Variants in SCP2 observed in about 807,000 individuals in gnomAD.
SCP2 encodes SCP-2/3-oxoacyl-CoA thiolase.
A neutral mutation model predicts 71.4 loss-of-function variants in SCP2; 48 were observed. The observed-to-expected ratio is 0.67, with a 90% CI of 0.53 to 0.86. SCP2 has a LOEUF of 0.86. Ranked by LOEUF, SCP2 falls within the 40% of genes least tolerant of loss-of-function variation. SCP2 has a pLI of 0.00. For missense variants in SCP2, 560 were observed against 655.6 expected, an observed-to-expected ratio of 0.85 and a Z score of 1.59; for synonymous variants, 220 against 218.1, an observed-to-expected ratio of 1.01 and a Z score of -0.08.
intron 10 of SCP2, among the ~76,000 whole-genome samples, chr1:52,981,744 T>A (rs920737265): frequency 6.6e-6 from 1 of 150,978 alleles, no homozygotes; most frequent in Non-Finnish European, 1.5e-5. Context: ...AATTTTTTTA[T>A]GTTGATTACA....
intron 2 of SCP2, chr1:52,943,943 C>CCTG: frequency 3.0e-6 from 1 of 329,022 alleles, no homozygotes; most frequent in African/African-American, 2.2e-5. Flanking sequence ...GTATAGAGAC[C>CCTG]TCCTTACTTA....
intron 11 of SCP2, chr1:52,995,208 C>T (rs1430454219): frequency 2.0e-6 from 1 of 500,438 alleles, no homozygotes; most frequent in Non-Finnish European, 4.0e-6. Context: ...GCATCATGAA[C>T]ACCCTCAGTG....
At chr1:53,040,930 C>G (rs372667313) in intron 14 of SCP2, among the ~76,000 whole-genome samples, 2 of 151,904 alleles carry the variant, frequency 1.3e-5, no homozygotes, top group African/African-American at 4.8e-5. Context: ...TAGAATGTAC[C>G]CGAGACATGG....
chr1:53,005,145 C>G (rs912025982), intron 11 of SCP2, among the ~76,000 whole-genome samples: 10 of 152,164 alleles, frequency 6.6e-5, no homozygotes, highest in Non-Finnish European at 1.5e-4. Context: ...CTGGGTGGAG[C>G]CCATCGCAGC....
intron 4 of SCP2, among the ~76,000 whole-genome samples, chr1:52,951,757 C>A (rs1655337506): frequency 6.6e-6 from 1 of 151,138 alleles, no homozygotes; most frequent in African/African-American, 2.4e-5. Context: ...TGCTCTGTTG[C>A]CCAGACTGGA....
intron 2 of SCP2, among the ~76,000 whole-genome samples, chr1:52,945,004 C>A (rs1006277571): frequency 2.0e-5 from 3 of 151,846 alleles, no homozygotes; most frequent in African/African-American, 7.3e-5. Context: ...TTTTGTAACT[C>A]ATTCTTTCCC....
chr1:53,014,763 G>A (rs1661213124), intron 11 of SCP2, 127 bp from the exon 12 acceptor site: 2 of 1,019,484 alleles, frequency 2.0e-6, no homozygotes, highest in Non-Finnish European at 3.0e-6. Flanking sequence ...TGTTTTAAGA[G>A]AAGTTACTAT....
chr1:52,942,239 G>T (rs1251761080), intron 2 of SCP2, among the ~76,000 whole-genome samples: 1 of 152,200 alleles, frequency 6.6e-6, no homozygotes, highest in African/African-American at 2.4e-5. Flanking sequence ...TTAAATACCT[G>T]TATGGTGGTT....
chr1:53,004,177 G>A (rs1302836784), intron 11 of SCP2, among the ~76,000 whole-genome samples: 1 of 152,198 alleles, frequency 6.6e-6, no homozygotes, highest in Non-Finnish European at 1.5e-5. Context: ...GCTGAATGGT[G>A]CGAGATTTTA....
At chr1:53,042,570 C>T (rs1663515557) in intron 14 of SCP2, among the ~76,000 whole-genome samples, 1 of 152,064 alleles carries the variant, frequency 6.6e-6, no homozygotes, top group African/African-American at 2.4e-5. Flanking sequence ...TTATTGGCAG[C>T]CAAGAGTGGT....
chr1:53,025,777 T>C (rs934146832), intron 12 of SCP2, among the ~76,000 whole-genome samples: 1 of 152,226 alleles, frequency 6.6e-6, no homozygotes, highest in African/African-American at 2.4e-5. Context: ...CTCTCCATCG[T>C]CATTCGTTCA....
At chr1:53,000,693 A>G (rs2150208608) in intron 11 of SCP2, among the ~76,000 whole-genome samples, 1 of 152,308 alleles carries the variant, frequency 6.6e-6, no homozygotes, top group East Asian at 1.9e-4. Flanking sequence ...GTGGTGGCTT[A>G]TGCCTGTAAT....
intron 8 of SCP2, among the ~76,000 whole-genome samples, chr1:52,977,055 G>T (rs74547030): frequency 6.6e-6 from 1 of 152,112 alleles, no homozygotes; most frequent in African/African-American, 2.4e-5. Context: ...GTGGCTTGGG[G>T]GCCAGTGGAG....
At chr1:52,928,096 T>C (rs1167864329) in intron 1 of SCP2, among the ~76,000 whole-genome samples, 3 of 152,220 alleles carry the variant, frequency 2.0e-5, no homozygotes, top group Admixed American at 1.3e-4. Flanking sequence ...TCTTCACCTG[T>C]TAACTTTTGT....
chr1:52,942,282 C>T (rs2150111911), intron 2 of SCP2, among the ~76,000 whole-genome samples: 1 of 152,176 alleles, frequency 6.6e-6, no homozygotes, highest in South Asian at 2.1e-4. Context: ...ATAGAGAATT[C>T]TTTTTCTGTC....
chr1:52,968,045 A>G (rs111769489), intron 6 of SCP2, among the ~76,000 whole-genome samples: 2,706 of 152,194 alleles, frequency 0.018, 84 homozygotes, highest in African/African-American at 0.061. Context: ...GGTTCAAGCA[A>G]TTCTCCTGCC....
At chr1:53,001,435 A>T (rs1172020701) in intron 11 of SCP2, among the ~76,000 whole-genome samples, 1 of 152,214 alleles carries the variant, frequency 6.6e-6, no homozygotes, top group East Asian at 1.9e-4. Context: ...AACAGGTTTA[A>T]TTCCTTCTTG....
intron 6 of SCP2, among the ~76,000 whole-genome samples, chr1:52,965,450 G>A (rs1247471024): frequency 1.3e-5 from 2 of 152,154 alleles, no homozygotes; most frequent in East Asian, 3.8e-4. Context: ...ATTCAGTTCT[G>A]TCTTTGTGTC....
intron 3 of SCP2, 68 bp downstream of exon 3, chr1:52,948,148 G>A (rs549227785): frequency 4.9e-5 from 46 of 942,104 alleles, no homozygotes; most frequent in Middle Eastern, 2.6e-4. Context: ...CAAACAATGC[G>A]GAGGCATTTG....
Sources: gnomAD v4.1 joint callset for allele counts (sites outside exome capture counted in the v4.1 genomes callset) on GRCh38, gnomAD v4.1.1 for gene constraint, MANE v1.5 for transcripts, NCBI Gene and HGNC (gene_info 2026-07-23, HGNC 2026-07-21) for gene names.